The following CSMD1 variants were observed in gnomAD, a reference collection of about 807,000 sequenced individuals.
CSMD1 encodes CUB and Sushi multiple domains 1, also known as CUB and sushi domain-containing protein 1.
CSMD1 carries 213 observed loss-of-function variants against 417.5 expected under a neutral mutation model. The observed-to-expected ratio is 0.51, with a 90% CI of 0.46 to 0.57. The LOEUF (loss-of-function observed/expected upper bound fraction) is 0.57. Among genes scored for constraint, CSMD1 ranks in the 20% least tolerant of loss-of-function variants. The pLI is 0.00. For synonymous variants in CSMD1, 2,862 were observed against 1,736.8 expected, an observed-to-expected ratio of 1.65 and a Z score of -16.11; for missense variants, 6,923 against 4,529.7, an observed-to-expected ratio of 1.53 and a Z score of -15.17.
At chr8:3,521,945 G>A (rs1464160932) in intron 10 of CSMD1, among the ~76,000 whole-genome samples, 2 of 152,102 alleles carry the variant, frequency 1.3e-5, no homozygotes, top group African/African-American at 4.8e-5. Flanking sequence ...ATCACATATT[G>A]GAAAGTACAA....
intron 5 of CSMD1, among the ~76,000 whole-genome samples, chr8:3,794,815 T>A (rs570299154): frequency 6.6e-6 from 1 of 152,032 alleles, no homozygotes; most frequent in Non-Finnish European, 1.5e-5. Context: ...CAATAAACTT[T>A]AATTCTGAAG....
In CSMD1 at chr8:3,708,597, G is replaced by A. The variant is rs559787448; in HGVS notation, c.932-106C>T. 1.3e-3 allele frequency: 1,112 copies of A among 841,200 alleles called. 2 individuals carry two copies. The highest frequency in any genetic ancestry group is 1.9e-3 in the Non-Finnish European group (957 of 500,156). The allele number at this position is 841,200 out of a possible 1,614,324, so 52.1% of individuals were successfully genotyped here. ...TCATAACTGCTTTCTATCAACCCCC[G>A]AAAATGGGAAATGTTCTAAGAGGTG... On this transcript the variant is annotated intron_variant, in intron 6 of 69. Coordinates refer to ENST00000635120, the MANE Select transcript of CSMD1 (RefSeq NM_033225.6).
At chr8:4,736,573 T>G (rs1810250499) in intron 1 of CSMD1, among the ~76,000 whole-genome samples, 1 of 152,040 alleles carries the variant, frequency 6.6e-6, no homozygotes. Flanking sequence ...GAACACTCAA[T>G]CTAGGAAAAT....
At chr8:2,997,876 C>T (rs1807051194) in intron 54 of CSMD1, 135 bp downstream of exon 54, 6 of 796,312 alleles carry the variant, frequency 7.5e-6, no homozygotes, top group Admixed American at 3.5e-5. Flanking sequence ...GAAATGCTTT[C>T]ACACCTGAAT....
chr8:4,535,014 G>A lies in CSMD1; in HGVS notation c.302+102328C>T, dbSNP rs758621633. Among the ~76,000 whole-genome samples the A allele has an allele frequency of 9.2e-5, 14 of 152,144 alleles. 1 individual carries two copies. The highest frequency in any genetic ancestry group is 1.3e-4 in the Admixed American group (2 of 15,276). ...CTGACCTCGTGATCTGCCTGCCTCA[G>A]CCTCCCAAAGTGCTGGGATTACAGG... On this transcript the variant is annotated intron_variant, in intron 2 of 69. Transcript: ENST00000635120.
intron 5 of CSMD1, among the ~76,000 whole-genome samples, chr8:3,963,407 C>G (rs1367516105): frequency 6.6e-6 from 1 of 152,018 alleles, no homozygotes; most frequent in African/African-American, 2.4e-5. Flanking sequence ...CTCCATGGTT[C>G]CTAAGTAGCT....
chr8:3,236,816 G>A (rs1332861215), intron 26 of CSMD1, among the ~76,000 whole-genome samples: 2 of 152,122 alleles, frequency 1.3e-5, no homozygotes, highest in African/African-American at 4.8e-5. Context: ...AACATTTTCA[G>A]TTGCATCCAT....
intron 25 of CSMD1, among the ~76,000 whole-genome samples, chr8:3,294,775 G>A (rs140010142): frequency 0.011 from 1,700 of 152,256 alleles, 21 homozygotes; most frequent in Non-Finnish European, 0.017. Flanking sequence ...CACTTCCTGG[G>A]TGAGTTGATG....
chr8:4,913,666 G>A (rs1273040641), intron 1 of CSMD1, among the ~76,000 whole-genome samples: 6 of 152,310 alleles, frequency 3.9e-5, no homozygotes, highest in Middle Eastern at 6.8e-3. Context: ...GTACTGTGCA[G>A]ATTAGAATTC....
chr8:4,084,820 C>T (rs887145974), intron 3 of CSMD1, among the ~76,000 whole-genome samples: 1 of 150,806 alleles, frequency 6.6e-6, no homozygotes, highest in Non-Finnish European at 1.5e-5. Flanking sequence ...TCCAGTGCCT[C>T]AAGACAGCTC....
intron 26 of CSMD1, among the ~76,000 whole-genome samples, chr8:3,244,678 C>G: frequency 6.6e-6 from 1 of 152,208 alleles, no homozygotes. Flanking sequence ...GGCTGACAAT[C>G]TGAGCCCTTT....
intron 25 of CSMD1, among the ~76,000 whole-genome samples, chr8:3,303,436 C>G (rs1046201168): frequency 6.6e-6 from 1 of 152,218 alleles, no homozygotes; most frequent in Admixed American, 6.5e-5. Flanking sequence ...GTTACCTTTT[C>G]TAAAAGTCTG....
chr8:4,062,386 G>C (rs1475280516), intron 3 of CSMD1, among the ~76,000 whole-genome samples: 2 of 152,052 alleles, frequency 1.3e-5, no homozygotes, highest in Admixed American at 6.6e-5. Flanking sequence ...CAAGCAATAA[G>C]AGGGCAATGA....
intron 5 of CSMD1, among the ~76,000 whole-genome samples, chr8:3,787,003 G>T (rs927298881): frequency 6.6e-6 from 1 of 152,154 alleles, no homozygotes; most frequent in Non-Finnish European, 1.5e-5. Flanking sequence ...GAAGCTGAGG[G>T]TCAGGATCTG....
At chr8:3,234,721 A>T (rs1278145984) in intron 26 of CSMD1, among the ~76,000 whole-genome samples, 2 of 152,220 alleles carry the variant, frequency 1.3e-5, no homozygotes, top group Non-Finnish European at 2.9e-5. Context: ...AAAGTCACGA[A>T]GGTCTCACCC....
intron 57 of CSMD1, among the ~76,000 whole-genome samples, chr8:2,969,755 G>A (rs1804277127): frequency 6.6e-6 from 1 of 152,120 alleles, no homozygotes. Context: ...TAACAAACAA[G>A]GAACAAAATG....
intron 3 of CSMD1, among the ~76,000 whole-genome samples, chr8:4,038,203 T>C (rs910494240): frequency 1.3e-5 from 2 of 152,108 alleles, no homozygotes; most frequent in African/African-American, 2.4e-5. Flanking sequence ...ACAAATTTTC[T>C]TTTTAAAAAG....
rs936975251 is a variant in CSMD1 at position 4,563,326 on chromosome 8, A to G, written c.302+74016T>C. Reference sequence around the variant, plus strand: ...TGAAGCAGGAGAATGGCGTGAACCCAGGAGATAGAGCTTTCAGTGAGCTCA... The same window carrying G: ...TGAAGCAGGAGAATGGCGTGAACCCGGGAGATAGAGCTTTCAGTGAGCTCA... On this transcript the variant is annotated intron_variant, in intron 2 of 69. Transcript: ENST00000635120. Among the ~76,000 whole-genome samples the G allele has an allele frequency of 1.1e-4, 16 of 152,284 alleles. No homozygotes were observed. In the East Asian group the frequency reaches 1.7e-3, roughly 17 times the overall value.
chr8:3,774,801 T>A (rs1798810181), intron 5 of CSMD1, among the ~76,000 whole-genome samples: 1 of 152,188 alleles, frequency 6.6e-6, no homozygotes, highest in African/African-American at 2.4e-5. Context: ...TTTTAAGCCA[T>A]GACTGTGCTG....
Sources: allele counts gnomAD v4.1 joint callset (sites outside exome capture counted in the v4.1 genomes callset), GRCh38; gene constraint gnomAD v4.1.1; transcripts MANE v1.5; gene names NCBI Gene and HGNC (gene_info 2026-07-23, HGNC 2026-07-21).